NFKB1: variants seen among roughly 807,000 people sequenced by gnomAD.
The protein encoded by NFKB1 is nuclear factor kappa B subunit 1.
NFKB1 carries 9 observed loss-of-function variants against 105.1 expected under a neutral mutation model. The observed-to-expected ratio is 0.09, with a 90% CI of 0.05 to 0.15. The LOEUF (loss-of-function observed/expected upper bound fraction) is 0.15, where lower values mean the gene tolerates loss of function less well. Ranked by LOEUF, NFKB1 falls within the 10% of genes least tolerant of loss-of-function variation. The probability of loss-of-function intolerance (pLI) is 1.00; values close to 1 mark genes in which losing one functional copy is unlikely to be tolerated. For missense variants in NFKB1, 830 were observed against 1,203.7 expected, an observed-to-expected ratio of 0.69 and a Z score of 4.59; for synonymous variants, 440 against 442.2, an observed-to-expected ratio of 1.00 and a Z score of 0.06.
intron 2 of NFKB1, among the ~76,000 whole-genome samples, chr4:102,527,372 G>A (rs1037253645): frequency 6.6e-6 from 1 of 152,122 alleles, no homozygotes; most frequent in African/African-American, 2.4e-5. Flanking sequence ...GACTAGAAAA[G>A]GTGAAGGAAC....
chr4:102,553,738 A>C (rs1722789834), intron 5 of NFKB1, among the ~76,000 whole-genome samples: 1 of 152,212 alleles, frequency 6.6e-6, no homozygotes, highest in African/African-American at 2.4e-5. Context: ...TTAACTACCC[A>C]GGGCAGGGCC....
intron 14 of NFKB1, among the ~76,000 whole-genome samples, 183 bp downstream of exon 14, chr4:102,596,515 T>A (rs1292356201): frequency 6.6e-6 from 1 of 152,242 alleles, no homozygotes; most frequent in African/African-American, 2.4e-5. Context: ...GATTTCCATT[T>A]TTGCTCTGTT....
intron 5 of NFKB1, among the ~76,000 whole-genome samples, chr4:102,542,372 TAA>T (rs1205340309): frequency 2.0e-5 from 3 of 152,088 alleles, no homozygotes; most frequent in Non-Finnish European, 4.4e-5. Flanking sequence ...GCTCTTTTTT[TAA>T]AAAAAATTTT....
intron 1 of NFKB1, among the ~76,000 whole-genome samples, chr4:102,513,042 C>G (rs548631439): frequency 5.3e-5 from 8 of 152,198 alleles, no homozygotes; most frequent in Admixed American, 2.6e-4. Context: ...TATGAATATT[C>G]CAAAATGGTA....
intron 7 of NFKB1, chr4:102,578,602 G>A (rs1725057043): frequency 4.2e-6 from 2 of 479,888 alleles, no homozygotes; most frequent in African/African-American, 3.9e-5. Flanking sequence ...GAGAGGAAAG[G>A]GAAAGGTGGG....
Position 102,617,107 on chromosome 4 carries a change from A to G in NFKB1, c.*513A>G, listed in dbSNP as rs978884586. On this transcript the variant is annotated 3_prime_UTR_variant, in exon 24 of 24. Coordinates refer to ENST00000226574, the MANE Select transcript of NFKB1 (RefSeq NM_003998.4). ...TTATTTCTCTGATTTGCAAAAAAAA[A>G]AAAAAAAAAAATACTTGTCAATATT... is the stretch of plus-strand genomic sequence containing the variant. 1 of 152,346 alleles carries G rather than the reference A, an allele frequency of 6.6e-6. No homozygotes were observed. The highest frequency in any genetic ancestry group is 1.5e-5 in the Non-Finnish European group (1 of 67,936). The allele number at this position is 152,346 out of a possible 1,614,324, so 9.4% of individuals were successfully genotyped here.
At chr4:102,607,858 G>A in intron 19 of NFKB1, 107 bp downstream of exon 19, 1 of 900,140 alleles carries the variant, frequency 1.1e-6, no homozygotes, top group South Asian at 1.4e-5. Flanking sequence ...ACCTACTGCT[G>A]AAAAACAAGG....
intron 11 of NFKB1, among the ~76,000 whole-genome samples, chr4:102,591,833 G>T (rs1316457906): frequency 6.6e-6 from 1 of 152,196 alleles, no homozygotes; most frequent in Admixed American, 6.5e-5. Context: ...ATTCTGTAAG[G>T]CTGTAGCTGC....
Position 102,578,933 on chromosome 4 carries a change from G to A in NFKB1, c.624G>A (p.Met208Ile). The A allele has an allele frequency of 6.2e-7, 1 of 1,614,130 alleles. No individual in the cohort carries two copies. Among genetic ancestry groups the A allele is most frequent in the Non-Finnish European group, 8.5e-7 (1 of 1,180,002 alleles). Residue 208 changes from methionine (M) to isoleucine (I), a missense_variant, in exon 8 of 24, where the codon ATG becomes ATA. Met to Ile is a conservative substitution (Grantham distance 10). Coordinates refer to ENST00000226574, the MANE Select transcript of NFKB1 (RefSeq NM_003998.4). ...RQAALQQTKEMDLSVVRLMFT... is the reference protein window; with the variant it reads ...RQAALQQTKEIDLSVVRLMFT... ...CAGCTCTGCAGCAGACCAAGGAGAT[G>A]GACCTCAGCGTGGTGCGGCTCATGT...
chr4:102,610,587 T>C lies in NFKB1; in HGVS notation c.2240T>C (p.Leu747Pro). 6.2e-7 allele frequency: 1 copy of C among 1,613,968 alleles called. No individual in the cohort carries two copies. The change falls in exon 20 of 24, where the codon CTG becomes CCG. Residue 747 changes from leucine to proline, a missense_variant. By Grantham distance (98) the Leu-to-Pro change is moderately conservative. Transcript: ENST00000226574. ...ALLKAAGADP[L>P]VENFEPLYDL... ...TCTAACTTCGCAGGAGCAGATCCCCTGGTGGAGAACTTTGAGCCTCTCTAT... is the reference window on the plus strand; with the variant it reads ...TCTAACTTCGCAGGAGCAGATCCCCCGGTGGAGAACTTTGAGCCTCTCTAT...
At chr4:102,608,313 A>G (rs186254948) in intron 19 of NFKB1, among the ~76,000 whole-genome samples, 12 of 152,302 alleles carry the variant, frequency 7.9e-5, no homozygotes, top group Admixed American at 7.2e-4. Flanking sequence ...TTAATGCCCA[A>G]TCACCCCTTG....
chr4:102,574,245 G>A (rs1370896538), intron 6 of NFKB1, among the ~76,000 whole-genome samples: 1 of 151,272 alleles, frequency 6.6e-6, no homozygotes, highest in Admixed American at 6.6e-5. Context: ...CTTTATCAGA[G>A]AGACCAGAGA....
intron 1 of NFKB1, among the ~76,000 whole-genome samples, chr4:102,517,757 C>T (rs1578711468): frequency 6.6e-6 from 1 of 152,088 alleles, no homozygotes; most frequent in Non-Finnish European, 1.5e-5. Context: ...GAAAAGATGG[C>T]ATTTCAGGAT....
chr4:102,552,474 A>G (rs1016010894), intron 5 of NFKB1, among the ~76,000 whole-genome samples: 13 of 152,180 alleles, frequency 8.5e-5, no homozygotes, highest in South Asian at 4.1e-4. Context: ...AATTGGTTCA[A>G]AAATGACCAG....
chr4:102,507,806 T>A (rs1739527106), intron 1 of NFKB1, among the ~76,000 whole-genome samples: 1 of 152,206 alleles, frequency 6.6e-6, no homozygotes, highest in Non-Finnish European at 1.5e-5. Flanking sequence ...ATCATGTCAT[T>A]TGGACTGAAA....
chr4:102,549,942 G>A (rs866394930), intron 5 of NFKB1, among the ~76,000 whole-genome samples: 1 of 152,034 alleles, frequency 6.6e-6, no homozygotes, highest in South Asian at 2.1e-4. Flanking sequence ...CTTTCTTCCA[G>A]TGGATTTTAG....
intron 8 of NFKB1, among the ~76,000 whole-genome samples, chr4:102,579,645 AAAT>A (rs1398880474): frequency 3.9e-5 from 4 of 101,882 alleles, no homozygotes; most frequent in Non-Finnish European, 8.0e-5. Context: ...TCAAAAAAAA[AAAT>A]ATATATATAT....
At chr4:102,540,433 A>G (rs571307524) in intron 5 of NFKB1, among the ~76,000 whole-genome samples, 86 of 152,354 alleles carry the variant, frequency 5.6e-4, no homozygotes, top group African/African-American at 2.0e-3. Flanking sequence ...TTGTAGAATG[A>G]AAGTTTCTAT....
chr4:102,566,710 T>A (rs1723903687), intron 5 of NFKB1, among the ~76,000 whole-genome samples: 1 of 152,188 alleles, frequency 6.6e-6, no homozygotes, highest in Non-Finnish European at 1.5e-5. Context: ...CTCTAAGATG[T>A]GTTGCTCCAA....
Sources: gnomAD v4.1 joint callset for allele counts (sites outside exome capture counted in the v4.1 genomes callset) on GRCh38, gnomAD v4.1.1 for gene constraint, MANE v1.5 for transcripts, NCBI Gene and HGNC (gene_info 2026-07-23, HGNC 2026-07-21) for gene names.